Variants in WAPL observed in about 807,000 individuals in gnomAD.
WAPL encodes the protein WAPL cohesin release factor.
Under a neutral mutation model 121.0 loss-of-function variants are expected in WAPL, and 5 were observed. The observed-to-expected ratio is 0.04, with a 90% CI of 0.02 to 0.09. The LOEUF is 0.09. Among genes scored for constraint, WAPL ranks in the 10% least tolerant of loss-of-function variants. WAPL has a pLI of 1.00. For missense variants in WAPL, 999 were observed against 1,410.8 expected, an observed-to-expected ratio of 0.71 and a Z score of 4.68; for synonymous variants, 480 against 481.5, an observed-to-expected ratio of 1.00 and a Z score of 0.04.
At chr10:86,469,885 G>A (rs943590433) in intron 8 of WAPL, among the ~76,000 whole-genome samples, 11 of 152,058 alleles carry the variant, frequency 7.2e-5, no homozygotes, top group Admixed American at 3.9e-4. Flanking sequence ...CAAAGCAAAC[G>A]AATTCTCTTT....
intron 12 of WAPL, 22 bp downstream of exon 12, chr10:86,458,967 A>T: frequency 6.4e-7 from 1 of 1,561,498 alleles, no homozygotes. Flanking sequence ...GTTAGTTGTT[A>T]ACTAATAAAC....
rs1841423806 is a variant in WAPL at position 86,467,375 on chromosome 10, C to T, written c.2274G>A (p.Lys758=). The change falls in exon 9 of 19, where the codon AAG becomes AAA. Residue 758 remains lysine (K), a synonymous_variant. Transcript: ENST00000298767. The part of the protein sequence containing the change: ...LELEQDASSA[K]LLNEKDMNKI... ...TGTTCATGTCTTTTTCATTCAGTAG[C>T]TTGGCTGATGAAGCATCTTGTTCCA... 6.2e-7 allele frequency: 1 copy of T among 1,614,084 alleles called. No individual in the cohort carries two copies. The highest frequency in any genetic ancestry group is 8.5e-7 in the Non-Finnish European group (1 of 1,180,006).
Position 86,506,745 on chromosome 10 carries a change from G to A in WAPL, c.500-6002C>T, listed in dbSNP as rs1025166397. On this transcript the variant is annotated intron_variant, in intron 2 of 18. Transcript: ENST00000298767. Reference sequence around the variant, plus strand: ...TTTAAGGTTGCAGTGAGCAATGATCGCACCACTGCACTCCAGCCTGGGCAA... The same window carrying A: ...TTTAAGGTTGCAGTGAGCAATGATCACACCACTGCACTCCAGCCTGGGCAA... Among the ~76,000 whole-genome samples, 6 of 152,018 alleles carry A rather than the reference G, an allele frequency of 3.9e-5. No homozygotes were observed. The South Asian group carries it at 6.2e-4, about 16-fold the overall frequency.
chr10:86,480,583 G>A lies in WAPL; in HGVS notation c.1645-6610C>T, dbSNP rs147431949. Among the ~76,000 whole-genome samples the A allele has an allele frequency of 6.7e-3, 1,013 of 152,236 alleles. 20 individuals are homozygous for A. Among genetic ancestry groups the A allele is most frequent in the East Asian group, 5.6e-3 (29 of 5,180 alleles). ...TAAATATTGATGACAAGTTGTATTA[G>A]AAAGATGATTATCAAATTTAGAAAT... is the stretch of plus-strand genomic sequence containing the variant. On this transcript the variant is annotated intron_variant, in intron 4 of 18. Coordinates refer to ENST00000298767, the MANE Select transcript of WAPL (RefSeq NM_015045.5).
At chr10:86,507,365 CA>C (rs34752630) in intron 2 of WAPL, among the ~76,000 whole-genome samples, 271 of 77,658 alleles carry the variant, frequency 3.5e-3, no homozygotes, top group African/African-American at 0.012. Context: ...GACTCTGTCT[CA>C]AAAAAAAAAA....
chr10:86,482,641 G>A (rs1033862033), intron 4 of WAPL, among the ~76,000 whole-genome samples: 1 of 152,142 alleles, frequency 6.6e-6, no homozygotes, highest in African/African-American at 2.4e-5. Flanking sequence ...AAAATGATGG[G>A]GACATGGCAG....
At chr10:86,483,663 G>C (rs1038165186) in intron 4 of WAPL, among the ~76,000 whole-genome samples, 1 of 151,002 alleles carries the variant, frequency 6.6e-6, no homozygotes, top group African/African-American at 2.4e-5. Flanking sequence ...ACGTATGTTA[G>C]TGCCCTTGAA....
intron 7 of WAPL, among the ~76,000 whole-genome samples, chr10:86,471,307 T>A (rs1365462854): frequency 1.3e-5 from 2 of 152,184 alleles, no homozygotes; most frequent in Admixed American, 6.5e-5. Context: ...CACTGTATTT[T>A]AAAAAAATAA....
chr10:86,517,629 T>C lies in WAPL; in HGVS notation c.441A>G (p.Thr147=). Residue 147 remains threonine (T), a synonymous_variant, in exon 2 of 19, where the codon ACA becomes ACG. Transcript: ENST00000298767. ...EDTLLGKEKS[T]NRIVEDDASI... is the part of the protein sequence containing the mutation. ...TTGCATCATCTTCTACAATTCGGTT[T>C]GTGCTCTTTTCTTTCCCAAGTAAAG... 1 of 1,614,070 alleles carries C rather than the reference T, an allele frequency of 6.2e-7. No homozygotes were observed. Among genetic ancestry groups the C allele is most frequent in the Non-Finnish European group, 8.5e-7 (1 of 1,180,018 alleles).
intron 15 of WAPL, among the ~76,000 whole-genome samples, chr10:86,448,059 A>T (rs928785343): frequency 8.6e-5 from 13 of 152,038 alleles, no homozygotes; most frequent in South Asian, 2.1e-4. Context: ...AAAAAAATTT[A>T]AAAAAAAGAA....
At chr10:86,503,306 A>C (rs1842281644) in intron 2 of WAPL, among the ~76,000 whole-genome samples, 1 of 152,154 alleles carries the variant, frequency 6.6e-6, no homozygotes. Context: ...TTTAACCTGT[A>C]AGAAATCTGT....
chr10:86,505,204 T>C (rs1181829229), intron 2 of WAPL, among the ~76,000 whole-genome samples: 1 of 151,466 alleles, frequency 6.6e-6, no homozygotes, highest in Non-Finnish European at 1.5e-5. Context: ...TTTTTTATGT[T>C]GCCCAGGCTG....
rs751686176 is a variant in WAPL, at chr10:86,500,126, T to G, written c.1117A>C (p.Ile373Leu). The G allele has an allele frequency of 6.2e-7, 1 of 1,614,206 alleles. No homozygotes were observed. The highest frequency in any genetic ancestry group is 8.5e-7 in the Non-Finnish European group (1 of 1,180,030). The change falls in exon 3 of 19, where the codon ATA becomes CTA. Residue 373 changes from isoleucine to leucine, a missense_variant. Ile to Leu is a conservative substitution (Grantham distance 5). Transcript: ENST00000298767. ...PSCLSVCNVTIQDTMERSMDE... is the reference protein window; with the variant it reads ...PSCLSVCNVTLQDTMERSMDE... The stretch of plus-strand genomic sequence containing the variant: ...ATGCTGCGTTCCATAGTATCCTGTA[T>G]GGTAACATTACAAACTGACAAGCAA...
intron 9 of WAPL, 71 bp from the exon 10 acceptor site, chr10:86,461,358 A>G: frequency 4.1e-6 from 5 of 1,206,608 alleles, no homozygotes; most frequent in South Asian, 1.4e-5. Flanking sequence ...TCTCTTTACA[A>G]AAATTTACTG....
chr10:86,494,531 C>T (rs900911355), intron 4 of WAPL, among the ~76,000 whole-genome samples: 1 of 152,156 alleles, frequency 6.6e-6, no homozygotes, highest in Non-Finnish European at 1.5e-5. Flanking sequence ...TTTTAGAGAA[C>T]TTGTATCTAC....
intron 17 of WAPL, 91 bp from the exon 18 acceptor site, chr10:86,438,106 G>A (rs1250563002): frequency 3.3e-6 from 3 of 901,014 alleles, no homozygotes; most frequent in Non-Finnish European, 1.7e-6. Context: ...ACACATCTTG[G>A]TGCAAATTTT....
chr10:86,503,015 AGGCGTGGT>A (rs549412513), intron 2 of WAPL, among the ~76,000 whole-genome samples: 65 of 152,090 alleles, frequency 4.3e-4, no homozygotes, highest in Non-Finnish European at 7.4e-4. Flanking sequence ...AAAATTAGCC[AGGCGTGGT>A]GGCGGGCGCC....
chr10:86,470,903 T>C lies in WAPL; in HGVS notation c.2142+89A>G, dbSNP rs975824456. On this transcript the variant is annotated intron_variant, in intron 8 of 18. Coordinates refer to ENST00000298767, the MANE Select transcript of WAPL (RefSeq NM_015045.5). ...TCAATCTATAATTAGGATATATTTA[T>C]AGAATATTCAGTGAAGATATTTTTG... 2.0e-5 allele frequency: 20 copies of C among 1,010,034 alleles called. No homozygotes were observed. The South Asian group carries it at 3.3e-4, about 16-fold the overall frequency. 62.6% of individuals were successfully genotyped at this position (1,010,034 alleles called of 1,614,324 possible). A position where few individuals can be genotyped will look rare whatever the true frequency, so the allele number is the denominator to read the frequency against.
chr10:86,454,354 T>TTCTCGC (rs1841078126), intron 12 of WAPL, among the ~76,000 whole-genome samples: 1 of 152,122 alleles, frequency 6.6e-6, no homozygotes, highest in African/African-American at 2.4e-5. Context: ...CATCTAAGGA[T>TTCTCGC]TCTCGCTCTC....
Sources: allele counts gnomAD v4.1 joint callset (sites outside exome capture counted in the v4.1 genomes callset), GRCh38; gene constraint gnomAD v4.1.1; transcripts MANE v1.5; gene names NCBI Gene and HGNC (gene_info 2026-07-23, HGNC 2026-07-21).